SLC9A2: variants seen among roughly 807,000 people sequenced by gnomAD.
SLC9A2 encodes solute carrier family 9 member A2, also known as sodium/hydrogen exchanger 2.
Under a neutral mutation model 71.7 loss-of-function variants are expected in SLC9A2, and 42 were observed. The observed-to-expected ratio is 0.59, with a 90% CI of 0.46 to 0.76. The LOEUF is 0.76. Among genes scored for constraint, SLC9A2 ranks in the 30% least tolerant of loss-of-function variants. SLC9A2 has a pLI of 0.00. For synonymous variants in SLC9A2, 396 were observed against 392.5 expected (o/e 1.01, Z -0.10); for missense variants, 829 against 1,017.4 (o/e 0.81, Z 2.52).
intron 1 of SLC9A2, among the ~76,000 whole-genome samples, 163 bp downstream of exon 1, chr2:102,620,300 G>A (rs567953337): frequency 6.6e-6 from 1 of 152,316 alleles, no homozygotes; most frequent in Non-Finnish European, 1.5e-5. Context: ...AGGACCCTTG[G>A]AAGAGCAGTT....
At chr2:102,668,065 C>T (rs964100170) in intron 3 of SLC9A2, among the ~76,000 whole-genome samples, 1 of 151,880 alleles carries the variant, frequency 6.6e-6, no homozygotes, top group African/African-American at 2.4e-5. Context: ...CAGATTGAGA[C>T]TCGGTCTCAA....
rs569285725 is a variant in SLC9A2 at position 102,710,732 on chromosome 2, CTAAA to C, written c.*2246_*2249del. 28 of 152,240 alleles carry C rather than the reference CTAAA, an allele frequency of 1.8e-4. No individual in the cohort carries two copies. Among genetic ancestry groups the C allele is most frequent in the African/African-American group, 2.9e-4 (12 of 41,480 alleles). 9.4% of individuals were successfully genotyped at this position (152,240 alleles called of 1,614,324 possible). A position where few individuals can be genotyped will look rare whatever the true frequency, so the allele number is the denominator to read the frequency against. On this transcript the variant is annotated 3_prime_UTR_variant, in exon 12 of 12. Transcript: ENST00000233969. The stretch of plus-strand genomic sequence containing the variant: ...TCACTAGTCATTATGAGAGTATTGA[CTAAA>C]TATTTTCACAATCTAAATATTGTCA...
rs199892229 is a variant in SLC9A2, at chr2:102,705,985, T to C, written c.2068+49T>C. ...AAAATTTTAAATTTATTTGCCAATGTTTATAAACTAGACAAATTTTCCTAT... is the reference window on the plus strand; with the variant it reads ...AAAATTTTAAATTTATTTGCCAATGCTTATAAACTAGACAAATTTTCCTAT... On this transcript the variant is annotated intron_variant, in intron 11 of 11. Transcript: ENST00000233969. The C allele has an allele frequency of 5.0e-5, 56 of 1,124,126 alleles. 2 individuals carry two copies. Among genetic ancestry groups the C allele is most frequent in the East Asian group, 4.2e-4 (17 of 40,852 alleles). The allele number at this position is 1,124,126 out of a possible 1,614,324, so 69.6% of individuals were successfully genotyped here. A position where few individuals can be genotyped will look rare whatever the true frequency, so the allele number is the denominator to read the frequency against.
At chr2:102,659,315 CCT>C (rs1677007756) in intron 2 of SLC9A2, among the ~76,000 whole-genome samples, 1 of 151,690 alleles carries the variant, frequency 6.6e-6, no homozygotes, top group Non-Finnish European at 1.5e-5. Context: ...GTGGTGAGCG[CCT>C]GTTATCCCAG....
chr2:102,683,163 A>G (rs1677487240), intron 3 of SLC9A2, 98 bp from the exon 4 acceptor site: 1 of 788,638 alleles, frequency 1.3e-6, no homozygotes, highest in Admixed American at 2.0e-5. Flanking sequence ...AGTCTTGGGC[A>G]GAAGAGTAGA....
chr2:102,663,576 T>C (rs530128253), intron 2 of SLC9A2, among the ~76,000 whole-genome samples: 24 of 152,332 alleles, frequency 1.6e-4, no homozygotes, highest in Admixed American at 3.9e-4. Context: ...TCTCCCATGA[T>C]TGAACCTTGA....
intron 1 of SLC9A2, among the ~76,000 whole-genome samples, chr2:102,649,040 A>T (rs1676783195): frequency 2.0e-5 from 3 of 152,238 alleles, no homozygotes; most frequent in Admixed American, 1.3e-4. Context: ...AAAAGAACAA[A>T]GCTGGAGGCA....
chr2:102,632,352 A>C (rs1246128747), intron 1 of SLC9A2, among the ~76,000 whole-genome samples: 1 of 150,320 alleles, frequency 6.7e-6, no homozygotes, highest in Non-Finnish European at 1.5e-5. Flanking sequence ...ACAGCAAAAG[A>C]GACTTAAGCC....
chr2:102,695,801 TATA>T (rs1677753133), intron 7 of SLC9A2, among the ~76,000 whole-genome samples: 1 of 62,172 alleles, frequency 1.6e-5, no homozygotes, highest in Admixed American at 2.0e-4. Flanking sequence ...ATATATATAT[TATA>T]TATATATATA....
At chr2:102,624,288 C>A (rs1238890042) in intron 1 of SLC9A2, among the ~76,000 whole-genome samples, 2 of 152,178 alleles carry the variant, frequency 1.3e-5, no homozygotes, top group Non-Finnish European at 1.5e-5. Flanking sequence ...CATGTGAATT[C>A]ACATTATTCT....
At chr2:102,665,997 C>T (rs1029932938) in intron 3 of SLC9A2, among the ~76,000 whole-genome samples, 2 of 151,842 alleles carry the variant, frequency 1.3e-5, no homozygotes, top group Non-Finnish European at 2.9e-5. Context: ...GGGTTGCCCA[C>T]GTGGGAACCT....
In SLC9A2 at chr2:102,708,466, C is replaced by G. The variant is rs764582372; in HGVS notation, c.2416C>G (p.Arg806Gly). ...RASEPGSRKA[R>G]FGSEKP ...ATCGGAACCTGGAAGCCGGAAAGCC[C>G]GATTTGGGAGTGAGAAGCCTTAAGA... The change falls in exon 12 of 12, where the codon CGA becomes GGA. Residue 806 changes from arginine (R) to glycine (G), a missense_variant. Transcript: ENST00000233969. 2 of 1,614,044 alleles carry G rather than the reference C, an allele frequency of 1.2e-6. No homozygotes were observed. The highest frequency in any genetic ancestry group is 2.2e-5 in the East Asian group (1 of 44,872).
chr2:102,666,802 C>T (rs1323369353), intron 3 of SLC9A2, among the ~76,000 whole-genome samples: 1 of 151,960 alleles, frequency 6.6e-6, no homozygotes, highest in African/African-American at 2.4e-5. Context: ...TAATGGAATG[C>T]TTTTACATTT....
chr2:102,657,071 G>T (rs1239940877), intron 1 of SLC9A2, among the ~76,000 whole-genome samples: 2 of 152,026 alleles, frequency 1.3e-5, no homozygotes, highest in Non-Finnish European at 2.9e-5. Flanking sequence ...CAGGCATGGT[G>T]GTGCGTGCCT....
intron 3 of SLC9A2, among the ~76,000 whole-genome samples, chr2:102,669,725 C>T (rs1018114585): frequency 3.3e-5 from 5 of 152,316 alleles, no homozygotes; most frequent in Middle Eastern, 3.4e-3. Flanking sequence ...GTGTGTTTAA[C>T]CTCATTTTAC....
At chr2:102,631,598 C>T (rs1206653958) in intron 1 of SLC9A2, among the ~76,000 whole-genome samples, 2 of 151,938 alleles carry the variant, frequency 1.3e-5, no homozygotes, top group African/African-American at 4.8e-5. Context: ...TGAGGAGACA[C>T]CATTTGTGTC....
intron 1 of SLC9A2, among the ~76,000 whole-genome samples, chr2:102,655,285 C>G (rs762261931): frequency 1.4e-5 from 2 of 148,032 alleles, no homozygotes; most frequent in Non-Finnish European, 3.0e-5. Context: ...TCCCAAGTAG[C>G]TGGGATTACA....
At chr2:102,697,154 A>G (rs994817948) in intron 7 of SLC9A2, among the ~76,000 whole-genome samples, 1 of 152,186 alleles carries the variant, frequency 6.6e-6, no homozygotes, top group Admixed American at 6.5e-5. Flanking sequence ...TTCCCCTTCC[A>G]AAGTGAGTGT....
chr2:102,688,545 T>C lies in SLC9A2; in HGVS notation c.1425+4209T>C, dbSNP rs540914924. On this transcript the variant is annotated intron_variant, in intron 5 of 11. Transcript: ENST00000233969. Reference sequence around the variant, plus strand: ...GAGATCAAGACCATTCTGGCCAACATGGTGAAACCCTGTCTCTACTAAAAC... The same window carrying C: ...GAGATCAAGACCATTCTGGCCAACACGGTGAAACCCTGTCTCTACTAAAAC... 2.6e-3 allele frequency among the ~76,000 whole-genome samples: 391 copies of C among 152,248 alleles called. 3 individuals carry two copies. Among genetic ancestry groups the C allele is most frequent in the African/African-American group, 8.8e-3 (366 of 41,552 alleles).
Sources: allele counts gnomAD v4.1 joint callset (sites outside exome capture counted in the v4.1 genomes callset), GRCh38; gene constraint gnomAD v4.1.1; transcripts MANE v1.5; gene names NCBI Gene and HGNC (gene_info 2026-07-23, HGNC 2026-07-21).